Variants in FHIT observed in about 807,000 individuals in gnomAD.
FHIT encodes the protein fragile histidine triad diadenosine triphosphatase.
A neutral mutation model predicts 17.9 loss-of-function variants in FHIT; 19 were observed. That is an observed-to-expected ratio of 1.06 (90% CI 0.74 to 1.56). FHIT has a LOEUF of 1.56. Ranked by LOEUF, FHIT falls within the 40% of genes most tolerant of loss-of-function variation. FHIT has a pLI of 0.00. For missense variants in FHIT, 248 were observed against 189.2 expected (o/e 1.31, Z -1.82); for synonymous variants, 81 against 69.7 (o/e 1.16, Z -0.81).
At chr3:60,631,325 G>A (rs1365307648) in intron 4 of FHIT, among the ~76,000 whole-genome samples, 2 of 152,130 alleles carry the variant, frequency 1.3e-5, no homozygotes. Flanking sequence ...CCATATGACT[G>A]AAACCACCAA....
intron 2 of FHIT, among the ~76,000 whole-genome samples, chr3:61,142,122 A>ATTTT (rs200645377): frequency 6.7e-6 from 1 of 149,578 alleles, no homozygotes; most frequent in African/African-American, 2.4e-5. Flanking sequence ...CTTAAAAAAA[A>ATTTT]TTTTTTTTTT....
chr3:59,751,045 ACTATTTATAGGAG>A (rs1700867727), intron 9 of FHIT: 1 of 157,228 alleles, frequency 6.4e-6, no homozygotes, highest in Admixed American at 6.7e-5. Flanking sequence ...CAAAAAAGAA[ACTATTTATAGGAG>A]AGGATCTGTA....
intron 3 of FHIT, among the ~76,000 whole-genome samples, chr3:60,955,617 T>TATATATATATAC (rs1709103963): frequency 7.2e-5 from 1 of 13,870 alleles, no homozygotes; most frequent in Non-Finnish European, 2.4e-4. Flanking sequence ...TATATATATA[T>TATATATATATAC]ATATATATAT....
In FHIT at chr3:59,931,868, T is replaced by A. The variant is rs573986355; in HGVS notation, c.280-9454A>T. Among the ~76,000 whole-genome samples, 84 of 152,222 alleles carry A rather than the reference T, an allele frequency of 5.5e-4. No individual in the cohort carries two copies. The South Asian group carries it at 0.017, about 30-fold the overall frequency. ...GGTGCCATACATCATCTAAGCACCATGGCTTTGATGATGTATTGCTCCAAG... is the reference window on the plus strand; with the variant it reads ...GGTGCCATACATCATCTAAGCACCAAGGCTTTGATGATGTATTGCTCCAAG... On this transcript the variant is annotated intron_variant, in intron 7 of 9. Transcript: ENST00000492590.
At chr3:60,098,075 A>G (rs1576093886) in intron 5 of FHIT, among the ~76,000 whole-genome samples, 1 of 151,118 alleles carries the variant, frequency 6.6e-6, no homozygotes, top group Non-Finnish European at 1.5e-5. Flanking sequence ...ATAGTATTCC[A>G]TGGTGTATAT....
chr3:60,604,116 G>C (rs2038531666), intron 4 of FHIT, among the ~76,000 whole-genome samples: 1 of 152,182 alleles, frequency 6.6e-6, no homozygotes, highest in Non-Finnish European at 1.5e-5. Flanking sequence ...CAGCAGAAGA[G>C]AAGGCTATCA....
rs566228198 is a variant in FHIT at position 61,030,309 on chromosome 3, T to C, written c.-111+11738A>G. ...TAACAAGAACCCCAGGTAATTCCTT[T>C]AAAGTATTAGAAGCAATGCTCTAAA... On this transcript the variant is annotated intron_variant, in intron 3 of 9. Coordinates refer to ENST00000492590, the MANE Select transcript of FHIT (RefSeq NM_002012.4). Among the ~76,000 whole-genome samples the C allele has an allele frequency of 7.2e-5, 11 of 152,290 alleles. No homozygotes were observed. In the South Asian group the frequency reaches 2.1e-3, roughly 29 times the overall value.
At chr3:61,189,795 C>T (rs1343060039) in intron 2 of FHIT, among the ~76,000 whole-genome samples, 16 of 151,630 alleles carry the variant, frequency 1.1e-4, no homozygotes, top group African/African-American at 3.4e-4. Flanking sequence ...CTACAACTAT[C>T]TGATCTTTGA....
intron 5 of FHIT, among the ~76,000 whole-genome samples, chr3:60,044,270 G>T (rs1461212787): frequency 6.6e-6 from 1 of 152,150 alleles, no homozygotes; most frequent in Non-Finnish European, 1.5e-5. Flanking sequence ...ACTGTCTTTT[G>T]TGAATTAAGA....
intron 5 of FHIT, among the ~76,000 whole-genome samples, chr3:60,532,070 G>A (rs1450327578): frequency 2.0e-5 from 3 of 152,156 alleles, no homozygotes; most frequent in African/African-American, 4.8e-5. Flanking sequence ...AACATTCTGC[G>A]TGAGATGGTC....
rs182034126 is a variant in FHIT at position 60,870,324 on chromosome 3, T to C, written c.-110-48313A>G. ...CTGATAGAGAATATTAACATGTTTA[T>C]GGGTAGAAAAAGTGGTCAGTTGTAG... On this transcript the variant is annotated intron_variant, in intron 3 of 9. Coordinates refer to ENST00000492590, the MANE Select transcript of FHIT (RefSeq NM_002012.4). Among the ~76,000 whole-genome samples the C allele has an allele frequency of 1.5e-4, 23 of 152,148 alleles. No individual in the cohort carries two copies. The South Asian group carries it at 1.9e-3, about 12-fold the overall frequency.
intron 1 of FHIT, among the ~76,000 whole-genome samples, chr3:61,216,087 G>A (rs1051601942): frequency 4.6e-5 from 7 of 152,080 alleles, no homozygotes; most frequent in African/African-American, 1.7e-4. Flanking sequence ...GCATGGGCAA[G>A]GACTTCATGT....
At chr3:60,223,318 AG>A (rs1337886159) in intron 5 of FHIT, among the ~76,000 whole-genome samples, 5 of 152,212 alleles carry the variant, frequency 3.3e-5, no homozygotes, top group Non-Finnish European at 5.9e-5. Flanking sequence ...CAATAGGACA[AG>A]GTCACATAGC....
intron 4 of FHIT, among the ~76,000 whole-genome samples, chr3:60,693,603 T>C (rs1461749728): frequency 6.6e-6 from 1 of 152,168 alleles, no homozygotes; most frequent in Non-Finnish European, 1.5e-5. Flanking sequence ...GACTATACTT[T>C]TCTAAAATAA....
At chr3:60,420,012 T>A (rs1160814090) in intron 5 of FHIT, among the ~76,000 whole-genome samples, 1 of 152,168 alleles carries the variant, frequency 6.6e-6, no homozygotes, top group East Asian at 1.9e-4. Context: ...TCCTTATAAA[T>A]GTACATAACT....
chr3:60,106,024 T>G (rs912942385), intron 5 of FHIT, among the ~76,000 whole-genome samples: 3 of 152,142 alleles, frequency 2.0e-5, no homozygotes, highest in East Asian at 1.9e-4. Context: ...CAGTTCTGAG[T>G]AGTGTGATGA....
intron 7 of FHIT, among the ~76,000 whole-genome samples, chr3:59,956,711 C>T (rs968987761): frequency 4.6e-5 from 7 of 152,142 alleles, no homozygotes; most frequent in Non-Finnish European, 4.4e-5. Flanking sequence ...ATGTACCTTA[C>T]TTTAATCATC....
intron 2 of FHIT, among the ~76,000 whole-genome samples, chr3:61,083,161 AAT>A (rs1239379168): frequency 1.3e-5 from 2 of 152,210 alleles, no homozygotes; most frequent in East Asian, 3.8e-4. Context: ...TTGTTTTAAA[AAT>A]AGTTTTATTG....
chr3:60,589,495 G>A (rs1553663389), intron 4 of FHIT, among the ~76,000 whole-genome samples: 1 of 152,024 alleles, frequency 6.6e-6, no homozygotes, highest in East Asian at 1.9e-4. Flanking sequence ...CACAGTCCAT[G>A]TATTTGACCA....
Sources: gnomAD v4.1 joint callset for allele counts (sites outside exome capture counted in the v4.1 genomes callset) on GRCh38, gnomAD v4.1.1 for gene constraint, MANE v1.5 for transcripts, NCBI Gene and HGNC (gene_info 2026-07-23, HGNC 2026-07-21) for gene names.